The following HS6ST2 variants were observed in gnomAD, a reference collection of about 807,000 sequenced individuals.
HS6ST2 encodes heparan-sulfate 6-O-sulfotransferase 2.
Under a neutral mutation model 33.0 loss-of-function variants are expected in HS6ST2, and 17 were observed. The observed-to-expected ratio is 0.52, with a 90% CI of 0.35 to 0.77. The LOEUF (loss-of-function observed/expected upper bound fraction) is 0.77. Ranked by LOEUF, HS6ST2 falls within the 30% of genes least tolerant of loss-of-function variation. HS6ST2 has a pLI of 0.01. For missense variants in HS6ST2, 519 were observed against 551.7 expected, an observed-to-expected ratio of 0.94 and a Z score of 0.59; for synonymous variants, 248 against 237.1, an observed-to-expected ratio of 1.05 and a Z score of -0.42.
chrX:132,868,933 A>G (rs1053854223), intron 2 of HS6ST2, among the ~76,000 whole-genome samples: 1 of 110,971 alleles, frequency 9.0e-6, no homozygotes, highest in Non-Finnish European at 1.9e-5. Context: ...CTAACATCAG[A>G]GCAGAACTGA....
intron 2 of HS6ST2, among the ~76,000 whole-genome samples, chrX:132,817,599 A>C (rs766720985): frequency 3.0e-4 from 33 of 111,125 alleles, no homozygotes; most frequent in Non-Finnish European, 5.7e-4. Flanking sequence ...ATGATTCCTA[A>C]GATGAAATCT....
chrX:132,914,688 G>A (rs1376925245), intron 2 of HS6ST2, among the ~76,000 whole-genome samples: 1 of 111,715 alleles, frequency 9.0e-6, no homozygotes, highest in Non-Finnish European at 1.9e-5. Flanking sequence ...CCCTGACCTG[G>A]GGGGCACAAG....
At chrX:132,781,427 G>A (rs923443514) in intron 2 of HS6ST2, among the ~76,000 whole-genome samples, 10 of 111,246 alleles carry the variant, frequency 9.0e-5, no homozygotes, top group Middle Eastern at 4.7e-3. Context: ...GTGAGGGGAG[G>A]GGAATAGCTT....
At chrX:132,637,878 A>ATTTTATATATTATAT (rs1218862211) in intron 4 of HS6ST2, among the ~76,000 whole-genome samples, 49 of 43,045 alleles carry the variant, frequency 1.1e-3, no homozygotes, top group South Asian at 9.8e-3. Flanking sequence ...TATATATAAT[A>ATTTTATATATTATAT]TATATATAAT....
chrX:132,959,048 AACTCCATCAGAGTGAG>A (rs1213537642), upstream of HS6ST2, among the ~76,000 whole-genome samples: 8 of 111,747 alleles, frequency 7.2e-5, no homozygotes, highest in Non-Finnish European at 5.6e-5. Context: ...CATAACTAAA[AACTCCATCAGAGTGAG>A]ACCGTCTAAT....
At chrX:132,717,629 TC>T (rs2064287974) in intron 2 of HS6ST2, among the ~76,000 whole-genome samples, 1 of 112,379 alleles carries the variant, frequency 8.9e-6, no homozygotes, top group African/African-American at 3.2e-5. Context: ...GCTGTTCTTG[TC>T]CCCATGCACC....
chrX:132,683,606 A>G (rs1490821083), intron 3 of HS6ST2, among the ~76,000 whole-genome samples: 1 of 111,917 alleles, frequency 8.9e-6, no homozygotes, highest in Non-Finnish European at 1.9e-5. Flanking sequence ...AGATAAGAAT[A>G]AATATTAGAG....
At chrX:132,785,399 C>T (rs1326044526) in intron 2 of HS6ST2, among the ~76,000 whole-genome samples, 3 of 111,311 alleles carry the variant, frequency 2.7e-5, no homozygotes, top group Non-Finnish European at 5.7e-5. Context: ...AATGATGAAA[C>T]AAAGATGCAT....
intron 2 of HS6ST2, among the ~76,000 whole-genome samples, chrX:132,914,444 A>G (rs1815877845): frequency 8.9e-6 from 1 of 112,782 alleles, no homozygotes; most frequent in Admixed American, 9.4e-5. Flanking sequence ...AAGGGTAATC[A>G]TAGCCTACAG....
At chrX:132,658,389 C>T (rs1300327207) in intron 4 of HS6ST2, among the ~76,000 whole-genome samples, 1 of 112,233 alleles carries the variant, frequency 8.9e-6, no homozygotes, top group Non-Finnish European at 1.9e-5. Context: ...CAGGCCCTTG[C>T]TATATTTGGC....
chrX:132,653,569 A>G (rs1474531044), intron 4 of HS6ST2, among the ~76,000 whole-genome samples: 2 of 111,532 alleles, frequency 1.8e-5, no homozygotes, highest in African/African-American at 6.5e-5. Context: ...AACAGCAGAG[A>G]AAACAGATTC....
At chrX:132,953,198 T>C (rs1022134668) in intron 2 of HS6ST2, among the ~76,000 whole-genome samples, 2 of 112,068 alleles carry the variant, frequency 1.8e-5, no homozygotes, top group African/African-American at 3.2e-5. Flanking sequence ...TGAGCAACAA[T>C]GTTTGGATAC....
intron 2 of HS6ST2, among the ~76,000 whole-genome samples, chrX:132,722,087 C>T (rs1271012877): frequency 9.5e-6 from 1 of 105,203 alleles, no homozygotes; most frequent in Non-Finnish European, 1.9e-5. Flanking sequence ...ACTTGGGAGG[C>T]TGAGGCAGGA....
chrX:132,714,906 CATA>C (rs761023867), intron 2 of HS6ST2, among the ~76,000 whole-genome samples: 1 of 111,652 alleles, frequency 9.0e-6, no homozygotes, highest in Admixed American at 9.5e-5. Context: ...TTAACTTGGA[CATA>C]ATGAGCGAAT....
intron 2 of HS6ST2, among the ~76,000 whole-genome samples, chrX:132,727,976 A>G (rs962160711): frequency 8.9e-6 from 1 of 112,116 alleles, no homozygotes; most frequent in Non-Finnish European, 1.9e-5. Context: ...TCATCATGTC[A>G]GTCTTTTTTA....
chrX:132,912,707 C>T (rs1342528220), intron 2 of HS6ST2, among the ~76,000 whole-genome samples: 1 of 112,061 alleles, frequency 8.9e-6, no homozygotes, highest in Non-Finnish European at 1.9e-5. Flanking sequence ...TGCTTTTGCT[C>T]CTGCCTCTGT....
intron 4 of HS6ST2, among the ~76,000 whole-genome samples, chrX:132,655,732 T>C (rs748344804): frequency 9.0e-6 from 1 of 110,867 alleles, no homozygotes; most frequent in Non-Finnish European, 1.9e-5. Context: ...GGTGATAAGG[T>C]TGAATTTGTT....
intron 2 of HS6ST2, among the ~76,000 whole-genome samples, chrX:132,845,004 T>TG (rs1362497061): frequency 2.8e-5 from 3 of 109,027 alleles, no homozygotes; most frequent in Non-Finnish European, 5.7e-5. Context: ...TAGAATATTC[T>TG]GGGTGCTGTG....
At position 132,831,352 on chromosome X, in the gene HS6ST2, T is replaced by A. The variant is rs534018998; in HGVS notation, c.948-122858A>T. On this transcript the variant is annotated intron_variant, in intron 2 of 4. Coordinates refer to ENST00000370833, the MANE Select transcript of HS6ST2 (RefSeq NM_001394073.1). Reference sequence around the variant, plus strand: ...ACTAACCCTGGCATCGGTCTTCTAATCTGTAAAATAAGGGGTTCCAACAAA... The same window carrying A: ...ACTAACCCTGGCATCGGTCTTCTAAACTGTAAAATAAGGGGTTCCAACAAA... 2.7e-4 allele frequency among the ~76,000 whole-genome samples: 30 copies of A among 111,337 alleles called. No homozygotes were observed. The South Asian group carries it at 0.011, about 40-fold the overall frequency.
Sources: gnomAD v4.1 joint callset for allele counts (sites outside exome capture counted in the v4.1 genomes callset) on GRCh38, gnomAD v4.1.1 for gene constraint, MANE v1.5 for transcripts, NCBI Gene and HGNC (gene_info 2026-07-23, HGNC 2026-07-21) for gene names.